Variants in ARHGAP29 observed in about 807,000 individuals in gnomAD.
ARHGAP29 encodes Rho GTPase activating protein 29.
ARHGAP29 carries 43 observed loss-of-function variants against 122.6 expected under a neutral mutation model. The ratio of observed to expected loss-of-function variants is 0.35; its 90% CI spans 0.27 to 0.45. The LOEUF is 0.45. Among genes scored for constraint, ARHGAP29 ranks in the 20% least tolerant of loss-of-function variants. The probability of loss-of-function intolerance (pLI) is 1.00; values close to 1 mark genes in which losing one functional copy is unlikely to be tolerated. For synonymous variants in ARHGAP29, 506 were observed against 497.1 expected (o/e 1.02, Z -0.24); for missense variants, 1,303 against 1,477.2 (o/e 0.88, Z 1.93).
chr1:94,272,456 C>T (rs1655028800), intron 1 of ARHGAP29, among the ~76,000 whole-genome samples: 1 of 152,128 alleles, frequency 6.6e-6, no homozygotes, highest in African/African-American at 2.4e-5. Flanking sequence ...TCTGGATAAC[C>T]AGGTGCAAGG....
chr1:94,198,792 A>G (rs549419730), intron 12 of ARHGAP29, among the ~76,000 whole-genome samples: 22 of 152,232 alleles, frequency 1.4e-4, no homozygotes, highest in Non-Finnish European at 2.2e-4. Context: ...TTTAATATCA[A>G]TTCCAACCAA....
intron 1 of ARHGAP29, among the ~76,000 whole-genome samples, chr1:94,235,414 A>C (rs1399223433): frequency 6.6e-6 from 1 of 152,226 alleles, no homozygotes; most frequent in Non-Finnish European, 1.5e-5. Flanking sequence ...GACGCATGCA[A>C]AGTACTTAGC....
the ARHGAP29 span, among the ~76,000 whole-genome samples, chr1:94,304,087 C>T: frequency 5.3e-5 from 8 of 152,272 alleles, no homozygotes; most frequent in South Asian, 2.1e-4. Flanking sequence ...TTTCTATGCT[C>T]GTAGCATATG....
Position 94,171,416 on chromosome 1 carries a change from TTTGGACAATACGCATCATC to T in ARHGAP29, c.*2434_*2452del, listed in dbSNP as rs1289429673. 2.0e-5 allele frequency among the ~76,000 whole-genome samples: 3 copies of T among 152,204 alleles called. No individual in the cohort carries two copies. The highest frequency in any genetic ancestry group is 4.8e-5 in the African/African-American group (2 of 41,470). ...TTCAGAAATGACTTCTTCTGAGTCG[TTTGGACAATACGCATCATC>T]TTGGACAATACGCCTCCCACAAGGC... is the stretch of plus-strand genomic sequence containing the variant. On this transcript the variant is annotated 3_prime_UTR_variant, in exon 23 of 23. Coordinates refer to ENST00000260526, the MANE Select transcript of ARHGAP29 (RefSeq NM_004815.4).
chr1:94,251,391 G>A (rs144765971), intron 1 of ARHGAP29, among the ~76,000 whole-genome samples: 5 of 151,878 alleles, frequency 3.3e-5, no homozygotes, highest in East Asian at 3.9e-4. Flanking sequence ...GGATGGTCTC[G>A]GCCCCCCAAA....
chr1:94,277,894 T>C (rs1314305558), upstream of ARHGAP29, among the ~76,000 whole-genome samples: 1 of 152,232 alleles, frequency 6.6e-6, no homozygotes, highest in Non-Finnish European at 1.5e-5. Flanking sequence ...CTCCAAGGTA[T>C]AGCTACTGAA....
At chr1:94,306,650 C>G in the ARHGAP29 span, among the ~76,000 whole-genome samples, 1 of 152,142 alleles carries the variant, frequency 6.6e-6, no homozygotes, top group Admixed American at 6.5e-5. Flanking sequence ...ATGTCATAAC[C>G]TGAAAATAAC....
chr1:94,210,704 T>C (rs1410358680), intron 3 of ARHGAP29, among the ~76,000 whole-genome samples: 1 of 152,180 alleles, frequency 6.6e-6, no homozygotes, highest in Non-Finnish European at 1.5e-5. Context: ...AGAAACAGAT[T>C]ATACTTCTAC....
At chr1:94,188,672 G>A (rs886289356) in intron 15 of ARHGAP29, among the ~76,000 whole-genome samples, 165 bp downstream of exon 15, 4 of 152,040 alleles carry the variant, frequency 2.6e-5, no homozygotes, top group Admixed American at 2.0e-4. Flanking sequence ...TTCTTAGCCT[G>A]GGTGGCGAAT....
intron 1 of ARHGAP29, among the ~76,000 whole-genome samples, chr1:94,244,732 T>C (rs1171490940): frequency 6.6e-6 from 1 of 152,070 alleles, no homozygotes; most frequent in Admixed American, 6.5e-5. Flanking sequence ...TAATACACTA[T>C]AATCAATTTT....
At chr1:94,245,585 G>T (rs571613003) in intron 1 of ARHGAP29, among the ~76,000 whole-genome samples, 1 of 152,174 alleles carries the variant, frequency 6.6e-6, no homozygotes, top group East Asian at 1.9e-4. Context: ...GTGTAGGTGT[G>T]GGGGAAATTG....
chr1:94,271,858 C>G (rs1570630962), intron 1 of ARHGAP29, among the ~76,000 whole-genome samples: 1 of 152,218 alleles, frequency 6.6e-6, no homozygotes, highest in African/African-American at 2.4e-5. Context: ...GCAAAGACTT[C>G]CACTGAAGTA....
intron 8 of ARHGAP29, among the ~76,000 whole-genome samples, chr1:94,203,470 C>G (rs1424786419): frequency 6.6e-6 from 1 of 152,188 alleles, no homozygotes; most frequent in African/African-American, 2.4e-5. Flanking sequence ...AATAGTGACT[C>G]ATGCCTATAA....
chr1:94,222,286 A>G (rs184988310), intron 2 of ARHGAP29, among the ~76,000 whole-genome samples: 24 of 152,348 alleles, frequency 1.6e-4, no homozygotes, highest in Non-Finnish European at 2.9e-4. Context: ...CATATGACCT[A>G]TGCAGGCTAA....
At chr1:94,276,663 C>T (rs1655201554), upstream of ARHGAP29, among the ~76,000 whole-genome samples, 1 of 151,198 alleles carries the variant, frequency 6.6e-6, no homozygotes, top group Admixed American at 6.6e-5. Context: ...TGTCTGTAGT[C>T]CCAGCTACTC....
the ARHGAP29 span, among the ~76,000 whole-genome samples, chr1:94,313,517 C>T: frequency 6.6e-6 from 1 of 152,164 alleles, no homozygotes; most frequent in Admixed American, 6.5e-5. Flanking sequence ...AATAGGAGCG[C>T]TTTTACACTG....
chr1:94,269,914 A>G (rs1334367300), intron 1 of ARHGAP29, among the ~76,000 whole-genome samples: 2 of 152,158 alleles, frequency 1.3e-5, no homozygotes, highest in African/African-American at 2.4e-5. Context: ...GAATCCAGAT[A>G]GAGGTCATTT....
At chr1:94,256,455 A>G (rs551922913) in intron 1 of ARHGAP29, among the ~76,000 whole-genome samples, 3 of 148,670 alleles carry the variant, frequency 2.0e-5, no homozygotes, top group African/African-American at 7.5e-5. Context: ...CTTAAGAATA[A>G]TTGTTTAGAA....
intron 15 of ARHGAP29, among the ~76,000 whole-genome samples, chr1:94,187,892 T>C (rs533615875): frequency 6.6e-6 from 1 of 152,140 alleles, no homozygotes; most frequent in Non-Finnish European, 1.5e-5. Context: ...CAGGTGATAA[T>C]CAGCCTAAGA....
Sources: gnomAD v4.1 joint callset for allele counts (sites outside exome capture counted in the v4.1 genomes callset) on GRCh38, gnomAD v4.1.1 for gene constraint, MANE v1.5 for transcripts, NCBI Gene and HGNC (gene_info 2026-07-23, HGNC 2026-07-21) for gene names.